The following CASD1 variants were observed in gnomAD, a reference collection of about 807,000 sequenced individuals.
CASD1 encodes CAS1 domain sialic acid O acetyltransferase 1.
In CASD1, 41 loss-of-function variants were observed where a neutral mutation model predicts 100.0. That is an observed-to-expected ratio of 0.41 (90% confidence interval 0.32 to 0.53). The LOEUF (loss-of-function observed/expected upper bound fraction) is 0.53. Among genes scored for constraint, CASD1 ranks in the 20% least tolerant of loss-of-function variants. The pLI, the probability that CASD1 is intolerant of heterozygous loss-of-function variation, is 0.25. For synonymous variants in CASD1, 321 were observed against 315.6 expected (o/e 1.02, Z -0.18); for missense variants, 774 against 948.7 (o/e 0.82, Z 2.42).
rs1312129813 is a variant in CASD1 at position 94,556,416 on chromosome 7, T to C, written c.*658T>C. On this transcript the variant is annotated 3_prime_UTR_variant, in exon 18 of 18. Transcript: ENST00000297273. ...ATAGTTCTGAGGCTCCATGACAGGG[T>C]TTTGTCATTGTTGATGTTATTGTTG... is the stretch of plus-strand genomic sequence containing the variant. The C allele has an allele frequency of 6.6e-6, 1 of 151,964 alleles. No homozygotes were observed. Among genetic ancestry groups the C allele is most frequent in the African/African-American group, 2.4e-5 (1 of 41,394 alleles). The allele number at this position is 151,964 out of a possible 1,614,324, so 9.4% of individuals were successfully genotyped here. A position where few individuals can be genotyped will look rare whatever the true frequency, so the allele number is the denominator to read the frequency against.
chr7:94,603,153 C>G, the CASD1 span: 1 of 661,616 alleles, frequency 1.5e-6, no homozygotes, highest in Middle Eastern at 3.2e-4. Flanking sequence ...CTTACCAGAT[C>G]CTTAATCTCA....
intron 14 of CASD1, among the ~76,000 whole-genome samples, chr7:94,550,879 C>T (rs924076188): frequency 4.6e-5 from 7 of 152,000 alleles, no homozygotes; most frequent in African/African-American, 1.5e-4. Flanking sequence ...ATGTACTTTC[C>T]GGTCTACCAT....
At chr7:94,611,151 A>G in the CASD1 span, among the ~76,000 whole-genome samples, 23 of 152,226 alleles carry the variant, frequency 1.5e-4, no homozygotes, top group Non-Finnish European at 3.1e-4. Flanking sequence ...CTAGGGATAT[A>G]CTTCAGAAAA....
At chr7:94,559,308 G>GTGTGTGTGTGTGTGTGTGTGTGTGTGTA (rs1796300930), downstream of CASD1, among the ~76,000 whole-genome samples, 4 of 123,674 alleles carry the variant, frequency 3.2e-5, no homozygotes, top group Non-Finnish European at 7.0e-5. Context: ...GTGTGTGTAT[G>GTGTGTGTGTGTGTGTGTGTGTGTGTGTA]TGTGTGTGTG....
intron 15 of CASD1, 35 bp from the exon 16 acceptor site, chr7:94,552,315 C>CT: frequency 6.6e-7 from 1 of 1,516,788 alleles, no homozygotes. Flanking sequence ...TCCAGACTTG[C>CT]TTTTTTGAAC....
At chr7:94,604,654 T>C in the CASD1 span, among the ~76,000 whole-genome samples, 1 of 151,364 alleles carries the variant, frequency 6.6e-6, no homozygotes, top group Admixed American at 6.6e-5. Flanking sequence ...TTGTTATAAC[T>C]AATGGTGCTG....
intron 13 of CASD1, among the ~76,000 whole-genome samples, chr7:94,549,058 A>G (rs901526091): frequency 3.3e-5 from 5 of 152,004 alleles, no homozygotes; most frequent in Non-Finnish European, 5.9e-5. Context: ...ATTATTGAGG[A>G]CATTTGGAGA....
chr7:94,598,598 A>T, the CASD1 span: 1 of 627,720 alleles, frequency 1.6e-6, no homozygotes, highest in Non-Finnish European at 2.8e-6. Context: ...GCATTTCCTA[A>T]AAGTAATTGT....
At chr7:94,525,724 C>A (rs1794531265) in intron 3 of CASD1, among the ~76,000 whole-genome samples, 1 of 152,118 alleles carries the variant, frequency 6.6e-6, no homozygotes, top group South Asian at 2.1e-4. Context: ...ACCAAAGAAA[C>A]TTAAAGTTTC....
chr7:94,590,765 C>T, the CASD1 span: 1 of 152,094 alleles, frequency 6.6e-6, no homozygotes. Flanking sequence ...TTTCTTTGTC[C>T]CTCATGCTGG....
At chr7:94,515,925 T>C (rs1235434011) in intron 1 of CASD1, among the ~76,000 whole-genome samples, 1 of 152,150 alleles carries the variant, frequency 6.6e-6, no homozygotes, top group Non-Finnish European at 1.5e-5. Flanking sequence ...TTTGCTAGGT[T>C]TTAATAAGAT....
Position 94,535,540 on chromosome 7 carries a change from T to TA in CASD1, c.843+18dup. The TA allele has an allele frequency of 1.3e-6, 2 of 1,554,482 alleles. No individual in the cohort carries two copies. Among genetic ancestry groups the TA allele is most frequent in the Non-Finnish European group, 1.8e-6 (2 of 1,126,592 alleles). On this transcript the variant is annotated intron_variant, in intron 8 of 17. Coordinates refer to ENST00000297273, the MANE Select transcript of CASD1 (RefSeq NM_022900.5). The stretch of plus-strand genomic sequence containing the variant: ...AGAGAAACTGTGAGAAATTTTTACA[T>TA]ATGTCAGTAGATGGAGACTATAATA...
chr7:94,594,473 A>G, the CASD1 span: 1 of 152,140 alleles, frequency 6.6e-6, no homozygotes, highest in Admixed American at 6.6e-5. Context: ...ATGGGACACA[A>G]GAAAGGTCTA....
chr7:94,603,393 T>C, the CASD1 span: 1 of 1,613,310 alleles, frequency 6.2e-7, no homozygotes, highest in African/African-American at 1.3e-5. Context: ...ATTCTGTGGA[T>C]TTTCAACTTC....
chr7:94,590,775 G>T, the CASD1 span: 1 of 152,100 alleles, frequency 6.6e-6, no homozygotes, highest in African/African-American at 2.4e-5. Context: ...CCTCATGCTG[G>T]CCCCTACAGC....
chr7:94,628,304 G>A, the CASD1 span: 11 of 1,611,682 alleles, frequency 6.8e-6, no homozygotes, highest in Non-Finnish European at 9.3e-6. Flanking sequence ...ATCCAGGTCG[G>A]TCTGGGTAAC....
At chr7:94,583,279 CTTTCAA>C in the CASD1 span, among the ~76,000 whole-genome samples, 101 of 152,120 alleles carry the variant, frequency 6.6e-4, no homozygotes, top group Non-Finnish European at 1.2e-3. Context: ...TGTTTAGGGG[CTTTCAA>C]TTTCATTACT....
intron 10 of CASD1, among the ~76,000 whole-genome samples, chr7:94,543,269 A>C (rs1316948873): frequency 2.0e-5 from 3 of 152,182 alleles, no homozygotes; most frequent in Non-Finnish European, 4.4e-5. Flanking sequence ...TGAAATCTTC[A>C]AAAGATGCAT....
chr7:94,559,696 T>A (rs1796309744), downstream of CASD1, among the ~76,000 whole-genome samples: 1 of 152,072 alleles, frequency 6.6e-6, no homozygotes, highest in African/African-American at 2.4e-5. Flanking sequence ...TGGCTAATTT[T>A]TATATTTTTA....
Sources: gnomAD v4.1 joint callset for allele counts (sites outside exome capture counted in the v4.1 genomes callset) on GRCh38, gnomAD v4.1.1 for gene constraint, MANE v1.5 for transcripts, NCBI Gene and HGNC (gene_info 2026-07-23, HGNC 2026-07-21) for gene names.